The following PCSK5 variants were observed in gnomAD, a reference collection of about 807,000 sequenced individuals.
The protein encoded by PCSK5 is prohormone convertase 5.
In PCSK5, 129 loss-of-function variants were observed where a neutral mutation model predicts 233.2. That is an observed-to-expected ratio of 0.55 (90% CI 0.48 to 0.64). The LOEUF (loss-of-function observed/expected upper bound fraction) is 0.64, where lower values mean the gene tolerates loss of function less well. PCSK5 is among the 30% of genes least tolerant of loss of function. PCSK5 has a pLI of 0.00. For synonymous variants in PCSK5, 825 were observed against 879.2 expected (o/e 0.94, Z 1.09); for missense variants, 2,076 against 2,430.1 (o/e 0.85, Z 3.06).
At chr9:76,283,950 C>A (rs1050001911) in intron 24 of PCSK5, among the ~76,000 whole-genome samples, 1 of 152,122 alleles carries the variant, frequency 6.6e-6, no homozygotes, top group African/African-American at 2.4e-5. Flanking sequence ...TATGTACATG[C>A]GAGTCAGAGA....
intron 13 of PCSK5, among the ~76,000 whole-genome samples, chr9:76,174,440 G>A (rs1006397424): frequency 2.0e-5 from 3 of 151,882 alleles, no homozygotes; most frequent in African/African-American, 4.8e-5. Flanking sequence ...CCAAGTAGCT[G>A]GGACTACAGG....
rs1829056900 is a variant in PCSK5, at chr9:76,040,375, C to CTCTG, written c.632+13341_632+13342insGTCT. ...TCTCTCTCTCTCTCTCTCTCTCTCTCTCTCTCTCTGTCTCTCTCTCTCTCT... is the reference window on the plus strand; with the variant it reads ...TCTCTCTCTCTCTCTCTCTCTCTCTCTCTGTCTCTCTCTGTCTCTCTCTCTCTCT... On this transcript the variant is annotated intron_variant, in intron 5 of 37. Coordinates refer to ENST00000674117, the MANE Select transcript of PCSK5 (RefSeq NM_001372043.1). Among the ~76,000 whole-genome samples, 4 of 66,010 alleles carry CTCTG rather than the reference C, an allele frequency of 6.1e-5. No individual in the cohort carries two copies. The East Asian group carries it at 2.3e-3, about 38-fold the overall frequency. The allele number at this position is 66,010 out of a possible 152,430, so 43.3% of individuals were successfully genotyped here.
intron 2 of PCSK5, among the ~76,000 whole-genome samples, chr9:75,965,327 G>A (rs1364517553): frequency 7.3e-6 from 1 of 137,004 alleles, no homozygotes; most frequent in Non-Finnish European, 1.6e-5. Flanking sequence ...TAATTATGAG[G>A]AGTGGATTCA....
At chr9:76,308,457 G>GA (rs941931662) in intron 28 of PCSK5, among the ~76,000 whole-genome samples, 188 bp from the exon 29 acceptor site, 8 of 151,080 alleles carry the variant, frequency 5.3e-5, no homozygotes, top group African/African-American at 1.7e-4. Flanking sequence ...AGGAGTAAGA[G>GA]AAAAAAAAAT....
intron 35 of PCSK5, among the ~76,000 whole-genome samples, chr9:76,350,404 A>G (rs375069447): frequency 6.6e-6 from 1 of 152,234 alleles, no homozygotes; most frequent in African/African-American, 2.4e-5. Context: ...TAGCATTTTA[A>G]GTGCCAAGTT....
At chr9:76,222,816 T>A (rs1825771089) in intron 20 of PCSK5, among the ~76,000 whole-genome samples, 2 of 152,148 alleles carry the variant, frequency 1.3e-5, no homozygotes, top group South Asian at 4.1e-4. Flanking sequence ...AGTACATAAG[T>A]AGCTGAAAGT....
intron 24 of PCSK5, among the ~76,000 whole-genome samples, chr9:76,280,364 C>G (rs1827827214): frequency 6.6e-6 from 1 of 152,054 alleles, no homozygotes; most frequent in Non-Finnish European, 1.5e-5. Context: ...CATCTACATG[C>G]TCAAATGAAA....
intron 20 of PCSK5, among the ~76,000 whole-genome samples, chr9:76,223,258 A>G (rs571402010): frequency 1.3e-5 from 2 of 152,340 alleles, no homozygotes; most frequent in East Asian, 3.9e-4. Context: ...TTTAGCTGTA[A>G]CCAATAAGGA....
At chr9:76,273,632 T>C (rs1351195844) in intron 24 of PCSK5, among the ~76,000 whole-genome samples, 4 of 147,628 alleles carry the variant, frequency 2.7e-5, no homozygotes, top group African/African-American at 7.5e-5. Flanking sequence ...TGGGGATTTA[T>C]TGATATTATT....
At chr9:76,327,945 G>C (rs1564183339) in intron 32 of PCSK5, 64 bp from the exon 33 acceptor site, 1 of 981,200 alleles carries the variant, frequency 1.0e-6, no homozygotes, top group Non-Finnish European at 1.7e-6. Context: ...CCCAGGGGAA[G>C]CCATTCCCAC....
At chr9:75,944,929 G>T (rs1027890937) in intron 2 of PCSK5, among the ~76,000 whole-genome samples, 38 of 151,974 alleles carry the variant, frequency 2.5e-4, no homozygotes, top group African/African-American at 8.9e-4. Flanking sequence ...GACCAACATG[G>T]AGAAACACCA....
intron 24 of PCSK5, among the ~76,000 whole-genome samples, chr9:76,289,094 A>G (rs979774419): frequency 6.6e-6 from 1 of 152,186 alleles, no homozygotes; most frequent in Non-Finnish European, 1.5e-5. Flanking sequence ...GGGATCATGA[A>G]GAGCTCTCAA....
At chr9:76,040,264 A>G (rs1416272465) in intron 5 of PCSK5, among the ~76,000 whole-genome samples, 2 of 151,794 alleles carry the variant, frequency 1.3e-5, no homozygotes, top group Non-Finnish European at 2.9e-5. Context: ...GTAAAAATCA[A>G]TTGCACCTGC....
chr9:75,950,642 G>A (rs1160644845), intron 2 of PCSK5, among the ~76,000 whole-genome samples: 2 of 152,118 alleles, frequency 1.3e-5, no homozygotes, highest in African/African-American at 2.4e-5. Flanking sequence ...CAAATGCTGG[G>A]AGATTTTGTC....
chr9:76,180,102 T>TAC (rs1368720468), intron 15 of PCSK5, among the ~76,000 whole-genome samples: 3 of 141,882 alleles, frequency 2.1e-5, no homozygotes, highest in African/African-American at 8.5e-5. Context: ...TATATATATA[T>TAC]ATACACACAC....
At chr9:76,071,308 C>G (rs1830472669) in intron 6 of PCSK5, among the ~76,000 whole-genome samples, 1 of 152,112 alleles carries the variant, frequency 6.6e-6, no homozygotes. Context: ...ACCTTGGCAG[C>G]TTTCCAAATA....
chr9:75,951,675 C>A (rs150276103), intron 2 of PCSK5, among the ~76,000 whole-genome samples: 1 of 151,864 alleles, frequency 6.6e-6, no homozygotes, highest in African/African-American at 2.4e-5. Context: ...CCACAGATTC[C>A]CACAGATTCA....
chr9:75,986,815 A>G (rs1283801003), intron 3 of PCSK5, among the ~76,000 whole-genome samples: 5 of 152,118 alleles, frequency 3.3e-5, no homozygotes, highest in Non-Finnish European at 5.9e-5. Context: ...AGTGAAGGAA[A>G]CCTACTTAAC....
intron 33 of PCSK5, among the ~76,000 whole-genome samples, chr9:76,331,284 G>A (rs1210316228): frequency 4.6e-5 from 7 of 152,126 alleles, no homozygotes; most frequent in Admixed American, 4.6e-4. Flanking sequence ...GGACTTTGGG[G>A]CAGTGATTTA....
Sources: gnomAD v4.1 joint callset for allele counts (sites outside exome capture counted in the v4.1 genomes callset) on GRCh38, gnomAD v4.1.1 for gene constraint, MANE v1.5 for transcripts, NCBI Gene and HGNC (gene_info 2026-07-23, HGNC 2026-07-21) for gene names.